The following SLC25A25 variants were observed in gnomAD, a reference collection of about 807,000 sequenced individuals.
SLC25A25 encodes solute carrier family 25 member 25.
SLC25A25 carries 32 observed loss-of-function variants against 57.7 expected under a neutral mutation model. The observed-to-expected ratio is 0.55, with a 90% CI of 0.42 to 0.74. The LOEUF (loss-of-function observed/expected upper bound fraction) is 0.74, where lower values mean the gene tolerates loss of function less well. Among genes scored for constraint, SLC25A25 ranks in the 30% least tolerant of loss-of-function variants. SLC25A25 has a pLI of 0.00. For synonymous variants in SLC25A25, 306 were observed against 291.2 expected (o/e 1.05, Z -0.52); for missense variants, 556 against 701.3 (o/e 0.79, Z 2.34).
rs901071389 is a variant in SLC25A25 at position 128,102,223 on chromosome 9, A to G, written c.512+108A>G. 1.4e-6 allele frequency: 2 copies of G among 1,448,788 alleles called. No homozygotes were observed. The highest frequency in any genetic ancestry group is 1.9e-6 in the Non-Finnish European group (2 of 1,054,150). The allele number at this position is 1,448,788 out of a possible 1,614,324, so 89.7% of individuals were successfully genotyped here. On this transcript the variant is annotated intron_variant, in intron 4 of 10. Transcript: ENST00000373069. The surrounding 1 kb of genome is among the most constrained non-coding windows in gnomAD (Gnocchi z 4.1). ...CATTGTTGTGCTAAGTGGGGTGTGG[A>G]GCCCCCTGCTCTTTCTCCTGGGGGC...
In SLC25A25 at chr9:128,107,604, C is replaced by G; in HGVS notation, c.*160C>G. ...GGGAGGGTGGGGAGAGCTGGCAGGC[C>G]CAGGGCTTGTCCTGCTGACCCCAGC... On this transcript the variant is annotated 3_prime_UTR_variant, in exon 11 of 11. Transcript: ENST00000373069. 1 of 817,910 alleles carries G rather than the reference C, an allele frequency of 1.2e-6. No homozygotes were observed. Among genetic ancestry groups the G allele is most frequent in the East Asian group, 2.9e-5 (1 of 34,518 alleles). 50.7% of individuals were successfully genotyped at this position (817,910 alleles called of 1,614,324 possible).
rs962940452 is a variant in SLC25A25 at position 128,102,824 on chromosome 9, C to G, written c.624+343C>G. ...CCCAAAGCTGGTATGAGCCTTCCCCCCGGTGGGAGGGGGCTGGGGCAGAAG... is the reference window on the plus strand; with the variant it reads ...CCCAAAGCTGGTATGAGCCTTCCCCGCGGTGGGAGGGGGCTGGGGCAGAAG... On this transcript the variant is annotated intron_variant, in intron 5 of 10. Transcript: ENST00000373069. The surrounding 1 kb of genome is among the most constrained non-coding windows in gnomAD (Gnocchi z 4.1). 1.8e-4 allele frequency among the ~76,000 whole-genome samples: 27 copies of G among 152,206 alleles called. No homozygotes were observed. The highest frequency in any genetic ancestry group is 3.9e-4 in the Admixed American group (6 of 15,284).
chr9:128,103,610 T>C lies in SLC25A25; in HGVS notation c.625-71T>C. The C allele has an allele frequency of 3.1e-6, 5 of 1,599,642 alleles. No individual in the cohort carries two copies. Among genetic ancestry groups the C allele is most frequent in the Non-Finnish European group, 3.4e-6 (4 of 1,168,068 alleles). On this transcript the variant is annotated intron_variant, in intron 5 of 10. Coordinates refer to ENST00000373069, the MANE Select transcript of SLC25A25 (RefSeq NM_001330988.2). The surrounding 1 kb of genome is among the most constrained non-coding windows in gnomAD (Gnocchi z 6.7). ...CCTGGCCTGGAGCCGTGCTAGAGGG[T>C]AGACGGCGACAGGTGCCAGCAGCCT...
chr9:128,086,497 C>T (rs1387430517), intron 1 of SLC25A25, among the ~76,000 whole-genome samples: 1 of 152,066 alleles, frequency 6.6e-6, no homozygotes, highest in Non-Finnish European at 1.5e-5. Flanking sequence ...CCACACCCGG[C>T]TAATTTTGTA....
intron 1 of SLC25A25, among the ~76,000 whole-genome samples, chr9:128,096,882 CT>C (rs1213839408): frequency 2.0e-5 from 3 of 152,212 alleles, no homozygotes; most frequent in Non-Finnish European, 4.4e-5. Flanking sequence ...AGGAATCTGC[CT>C]GGATAATCCA....
rs1031134533 is a variant in SLC25A25, at chr9:128,108,074, G to A, written c.*630G>A. ...AGCCCTGCTGATGGCTGGGGCTCTCGGGCATGCTTGGGAGTGCAGGGGGCT... is the reference window on the plus strand; with the variant it reads ...AGCCCTGCTGATGGCTGGGGCTCTCAGGCATGCTTGGGAGTGCAGGGGGCT... On this transcript the variant is annotated 3_prime_UTR_variant, in exon 11 of 11. Coordinates refer to ENST00000373069, the MANE Select transcript of SLC25A25 (RefSeq NM_001330988.2). 8 of 399,014 alleles carry A rather than the reference G, an allele frequency of 2.0e-5. No individual in the cohort carries two copies. The highest frequency in any genetic ancestry group is 1.1e-4 in the East Asian group (3 of 28,100). The allele number at this position is 399,014 out of a possible 1,614,324, so 24.7% of individuals were successfully genotyped here.
chr9:128,085,524 T>C (rs943436196), intron 1 of SLC25A25, among the ~76,000 whole-genome samples: 2 of 152,126 alleles, frequency 1.3e-5, no homozygotes, highest in South Asian at 4.2e-4. Context: ...TGAACACATT[T>C]CCATCGATTC....
At chr9:128,105,558 A>C (rs1161236382) in intron 6 of SLC25A25, among the ~76,000 whole-genome samples, 171 bp from the exon 7 acceptor site, 1 of 152,060 alleles carries the variant, frequency 6.6e-6, no homozygotes, top group Non-Finnish European at 1.5e-5. Context: ...GCTGAGCCTC[A>C]CTTAGCCGTG....
rs1833879799 is a variant in SLC25A25 at position 128,103,225 on chromosome 9, G to T, written c.625-456G>T. Among the ~76,000 whole-genome samples the T allele has an allele frequency of 6.6e-6, 1 of 152,324 alleles. No homozygotes were observed. The highest frequency in any genetic ancestry group is 6.5e-5 in the Admixed American group (1 of 15,308). On this transcript the variant is annotated intron_variant, in intron 5 of 10. Coordinates refer to ENST00000373069, the MANE Select transcript of SLC25A25 (RefSeq NM_001330988.2). This position sits in a 1 kb window ranked among gnomAD's most constrained non-coding sequence, Gnocchi z 6.7. Reference sequence around the variant, plus strand: ...CAGCCCGGATGTCACCCGGAGAAAGGTTACGCAGGCAGCGAGCCCTCGTGT... The same window carrying T: ...CAGCCCGGATGTCACCCGGAGAAAGTTTACGCAGGCAGCGAGCCCTCGTGT...
At chr9:128,093,034 AGAAAAG>A (rs1833454989) in intron 1 of SLC25A25, among the ~76,000 whole-genome samples, 1 of 152,232 alleles carries the variant, frequency 6.6e-6, no homozygotes, top group Non-Finnish European at 1.5e-5. Context: ...AAATCAGAGA[AGAAAAG>A]GAGATTCTGC....
chr9:128,108,296 T>C lies in SLC25A25; in HGVS notation c.*852T>C. The C allele has an allele frequency of 2.5e-6, 1 of 399,048 alleles. No individual in the cohort carries two copies. The highest frequency in any genetic ancestry group is 4.4e-5 in the Admixed American group (1 of 22,728). The allele number at this position is 399,048 out of a possible 1,614,324, so 24.7% of individuals were successfully genotyped here. A position where few individuals can be genotyped will look rare whatever the true frequency, so the allele number is the denominator to read the frequency against. ...GTTCTGGGGAGGGAAGGAAAAGGTGTTGGAGGCCTTAATTATGGACTGTTG... is the reference window on the plus strand; with the variant it reads ...GTTCTGGGGAGGGAAGGAAAAGGTGCTGGAGGCCTTAATTATGGACTGTTG... On this transcript the variant is annotated 3_prime_UTR_variant, in exon 11 of 11. Coordinates refer to ENST00000373069, the MANE Select transcript of SLC25A25 (RefSeq NM_001330988.2).
rs773753420 is a variant in SLC25A25, at chr9:128,103,414, C to T, written c.625-267C>T. Among the ~76,000 whole-genome samples, 31 of 152,194 alleles carry T rather than the reference C, an allele frequency of 2.0e-4. No individual in the cohort carries two copies. The highest frequency in any genetic ancestry group is 2.4e-4 in the Non-Finnish European group (16 of 68,030). On this transcript the variant is annotated intron_variant, in intron 5 of 10. Coordinates refer to ENST00000373069, the MANE Select transcript of SLC25A25 (RefSeq NM_001330988.2). The surrounding 1 kb of genome is among the most constrained non-coding windows in gnomAD (Gnocchi z 6.7). Reference sequence around the variant, plus strand: ...GCTCCCTGGCAGCATTGGAAAGGGCCGGTGAATGGTTTTCTAACCGGCACC... The same window carrying T: ...GCTCCCTGGCAGCATTGGAAAGGGCTGGTGAATGGTTTTCTAACCGGCACC...
chr9:128,077,254 G>A (rs999424028), intron 1 of SLC25A25, among the ~76,000 whole-genome samples: 1 of 152,086 alleles, frequency 6.6e-6, no homozygotes, highest in Admixed American at 6.6e-5. Context: ...GCGGCCGGGC[G>A]CGGTGGCTCA....
chr9:128,090,009 C>T (rs531932494), intron 1 of SLC25A25, among the ~76,000 whole-genome samples: 2 of 152,142 alleles, frequency 1.3e-5, no homozygotes, highest in African/African-American at 2.4e-5. Flanking sequence ...GGTTCAGTTT[C>T]GCAAGATATA....
Position 128,103,902 on chromosome 9 carries a change from G to T in SLC25A25, c.783+63G>T. ...GTTTCCACCTGGGGGATGCTGCTTGGCTAGTTTTCCCTTTCTCTGGCTGGT... is the reference window on the plus strand; with the variant it reads ...GTTTCCACCTGGGGGATGCTGCTTGTCTAGTTTTCCCTTTCTCTGGCTGGT... On this transcript the variant is annotated intron_variant, in intron 6 of 10. Transcript: ENST00000373069. This position sits in a 1 kb window ranked among gnomAD's most constrained non-coding sequence, Gnocchi z 6.7. The T allele has an allele frequency of 6.8e-7, 1 of 1,463,692 alleles. No individual in the cohort carries two copies. The highest frequency in any genetic ancestry group is 9.0e-7 in the Non-Finnish European group (1 of 1,107,232). 90.7% of individuals were successfully genotyped at this position (1,463,692 alleles called of 1,614,324 possible).
intron 1 of SLC25A25, among the ~76,000 whole-genome samples, chr9:128,088,066 C>T (rs748709281): frequency 6.6e-5 from 10 of 152,176 alleles, no homozygotes; most frequent in Non-Finnish European, 1.2e-4. Context: ...AGTTCCTATT[C>T]GTTTTTTACT....
intron 1 of SLC25A25, among the ~76,000 whole-genome samples, chr9:128,080,693 G>A (rs898132678): frequency 3.2e-4 from 48 of 152,084 alleles, no homozygotes; most frequent in African/African-American, 1.1e-3. Flanking sequence ...CCAAAGTGCT[G>A]GGATTACAGG....
At position 128,103,743 on chromosome 9, in the gene SLC25A25, G is replaced by T. The variant is rs772842561; in HGVS notation, c.687G>T (p.Thr229=). The T allele has an allele frequency of 1.2e-6, 2 of 1,614,180 alleles. No homozygotes were observed. Among genetic ancestry groups the T allele is most frequent in the Non-Finnish European group, 1.7e-6 (2 of 1,180,024 alleles). The stretch of plus-strand genomic sequence containing the variant: ...AGTTCACAGTGGAGGAGAGGCAGAC[G>T]GGGATGTGGTGGAGACACCTGGTGG... ...PDEFTVEERQ[T]GMWWRHLVAG... Residue 229 remains threonine, a synonymous_variant, in exon 6 of 11, where the codon ACG becomes ACT. Transcript: ENST00000373069. This position sits in a 1 kb window ranked among gnomAD's most constrained non-coding sequence, Gnocchi z 6.7.
intron 1 of SLC25A25, among the ~76,000 whole-genome samples, chr9:128,079,763 C>T (rs1023833586): frequency 6.0e-5 from 9 of 150,818 alleles, no homozygotes; most frequent in Non-Finnish European, 1.0e-4. Context: ...GAGGCCGAGG[C>T]GGGCGGATCA....
Sources: gnomAD v4.1 joint callset for allele counts (sites outside exome capture counted in the v4.1 genomes callset) on GRCh38, gnomAD v4.1.1 for gene constraint, Gnocchi (gnomAD v3.1) non-coding constraint, MANE v1.5 for transcripts, NCBI Gene and HGNC (gene_info 2026-07-23, HGNC 2026-07-21) for gene names.